Variants in DSCAML1 observed in about 807,000 individuals in gnomAD.
DSCAML1 encodes the protein cell adhesion molecule DSCAML1.
A neutral mutation model predicts 200.5 loss-of-function variants in DSCAML1; 38 were observed. The ratio of observed to expected loss-of-function variants is 0.19; its 90% confidence interval spans 0.15 to 0.25. DSCAML1 has a LOEUF of 0.25. DSCAML1 is among the 10% of genes least tolerant of loss of function. The probability of loss-of-function intolerance (pLI) is 1.00; values close to 1 mark genes in which losing one functional copy is unlikely to be tolerated. For missense variants in DSCAML1, 2,223 were observed against 2,858.8 expected (o/e 0.78, Z 5.07); for synonymous variants, 1,215 against 1,165.0 (o/e 1.04, Z -0.87).
At chr11:117,549,448 G>A (rs10790192) in intron 3 of DSCAML1, among the ~76,000 whole-genome samples, 55,372 of 152,086 alleles carry the variant, frequency 0.36, 11,063 homozygotes, top group Non-Finnish European at 0.45. Flanking sequence ...CAAGTACGTG[G>A]CTCTGAAGTC....
intron 11 of DSCAML1, among the ~76,000 whole-genome samples, chr11:117,493,837 A>G (rs1375796760): frequency 6.6e-6 from 1 of 152,104 alleles, no homozygotes; most frequent in Non-Finnish European, 1.5e-5. Flanking sequence ...CCGATTGCCC[A>G]GGCTAGTCTT....
In DSCAML1 at chr11:117,428,516, G is replaced by A; in HGVS notation, c.5974C>T (p.Pro1992Ser). 6.7e-7 allele frequency: 1 copy of A among 1,496,120 alleles called. No individual in the cohort carries two copies. Among genetic ancestry groups the A allele is most frequent in the Non-Finnish European group, 9.0e-7 (1 of 1,110,804 alleles). The allele number at this position is 1,496,120 out of a possible 1,614,324, so 92.7% of individuals were successfully genotyped here. ...CTGGGGGCGGTGGGTGGCTCAGCAG[G>A]GGTGGGGCCGGGGGCTGGGGGGGCT... The part of the protein sequence containing the change: ...GTAPPAPGPT[P>S]AEPPTAPSAA... Residue 1992 changes from proline (P) to serine (S), a missense_variant, in exon 33 of 33, where the codon CCT becomes TCT. Physicochemically the swap from Pro to Ser is moderately conservative, Grantham distance 74. Coordinates refer to ENST00000651296, the MANE Select transcript of DSCAML1 (RefSeq NM_020693.4).
At chr11:117,747,319 T>G (rs2054534124) in intron 3 of DSCAML1, among the ~76,000 whole-genome samples, 1 of 152,030 alleles carries the variant, frequency 6.6e-6, no homozygotes, top group African/African-American at 2.4e-5. Context: ...TGGGAGCGGG[T>G]TTCTTCAAAT....
chr11:117,464,966 T>A lies in DSCAML1; in HGVS notation c.3241A>T (p.Ile1081Phe), dbSNP rs1221984724. 5 of 1,614,090 alleles carry A rather than the reference T, an allele frequency of 3.1e-6. No individual in the cohort carries two copies. Residue 1081 changes from isoleucine to phenylalanine, a missense_variant, in exon 17 of 33, where the codon ATC becomes TTC. Ile to Phe is a conservative substitution (Grantham distance 21, BLOSUM62 0). This residue lies in a region of DSCAML1 where 438 missense variants were observed against 629.7 expected (regional missense o/e 0.70). Transcript: ENST00000651296. ...CCATCCTCCAGAGTGGTGGCATTGA[T>A]CTCGCTGGAAGAGGGCCCCGTGCCA... Reference protein sequence around the residue: ...RAGTGPSSSEINATTLEDVPS... With the variant: ...RAGTGPSSSEFNATTLEDVPS...
Position 117,480,699 on chromosome 11 carries a change from G to T in DSCAML1, c.2657-128C>A. On this transcript the variant is annotated intron_variant, in intron 13 of 32. Transcript: ENST00000651296. The surrounding 1 kb of genome is among the most constrained non-coding windows in gnomAD (Gnocchi z 4.1). ...TCTGGCACCCTAGGGTTTGAGCAGGGTGGGGGCTGGAGGAGGCCAGCAGCC... is the reference window on the plus strand; with the variant it reads ...TCTGGCACCCTAGGGTTTGAGCAGGTTGGGGGCTGGAGGAGGCCAGCAGCC... 1 of 1,074,594 alleles carries T rather than the reference G, an allele frequency of 9.3e-7. No individual in the cohort carries two copies. Among genetic ancestry groups the T allele is most frequent in the Non-Finnish European group, 1.3e-6 (1 of 749,038 alleles). The allele number at this position is 1,074,594 out of a possible 1,614,324, so 66.6% of individuals were successfully genotyped here.
intron 3 of DSCAML1, among the ~76,000 whole-genome samples, chr11:117,713,752 A>C (rs1055132512): frequency 6.6e-6 from 1 of 152,206 alleles, no homozygotes; most frequent in Non-Finnish European, 1.5e-5. Context: ...TGCGGAGTCC[A>C]TCCATCTTGA....
intron 4 of DSCAML1, among the ~76,000 whole-genome samples, chr11:117,525,856 G>T (rs2049968833): frequency 6.6e-6 from 1 of 152,220 alleles, no homozygotes; most frequent in South Asian, 2.1e-4. Flanking sequence ...CCTACTGGGA[G>T]ATGGGAGGAC....
chr11:117,561,947 G>T lies in DSCAML1; in HGVS notation c.512-29425C>A, dbSNP rs1413011310. ...ACTGGTAGATGTGGCATGAATAAAT[G>T]ATTGCATACAGCAATTCTATGAGCA... On this transcript the variant is annotated intron_variant, in intron 3 of 32. Coordinates refer to ENST00000651296, the MANE Select transcript of DSCAML1 (RefSeq NM_020693.4). Among the ~76,000 whole-genome samples, 3 of 152,216 alleles carry T rather than the reference G, an allele frequency of 2.0e-5. No homozygotes were observed. In the East Asian group the frequency reaches 5.8e-4, roughly 29 times the overall value.
chr11:117,749,989 A>T (rs1474091733), intron 3 of DSCAML1, among the ~76,000 whole-genome samples: 3 of 152,230 alleles, frequency 2.0e-5, no homozygotes, highest in Non-Finnish European at 4.4e-5. Flanking sequence ...ACTGTTCGAC[A>T]TATTAGGATT....
rs150999342 is a variant in DSCAML1, at chr11:117,670,889, A to G, written c.511+105902T>C. Among the ~76,000 whole-genome samples, 181 of 152,286 alleles carry G rather than the reference A, an allele frequency of 1.2e-3. 1 individual carries two copies. The highest frequency in any genetic ancestry group is 3.7e-3 in the Admixed American group (56 of 15,300). ...ATGAATTTGTCTTCCTGGGCACGCA[A>G]TAACTTGACAGAAGGGAAGGCACCC... On this transcript the variant is annotated intron_variant, in intron 3 of 32. Coordinates refer to ENST00000651296, the MANE Select transcript of DSCAML1 (RefSeq NM_020693.4).
chr11:117,793,653 C>T (rs1338698316), intron 1 of DSCAML1, among the ~76,000 whole-genome samples: 1 of 152,164 alleles, frequency 6.6e-6, no homozygotes, highest in Non-Finnish European at 1.5e-5. Flanking sequence ...ACCAAGCTCT[C>T]CCTGGGCCAA....
chr11:117,779,010 T>C (rs556230668), intron 2 of DSCAML1, among the ~76,000 whole-genome samples: 1 of 152,190 alleles, frequency 6.6e-6, no homozygotes, highest in Non-Finnish European at 1.5e-5. Context: ...ACACTCCCGT[T>C]CCCAGCTACT....
intron 3 of DSCAML1, among the ~76,000 whole-genome samples, chr11:117,693,441 A>G (rs2053533039): frequency 6.6e-6 from 1 of 152,040 alleles, no homozygotes; most frequent in Non-Finnish European, 1.5e-5. Flanking sequence ...TCTGGGTTTT[A>G]CTCCAAAGCT....
intron 3 of DSCAML1, among the ~76,000 whole-genome samples, chr11:117,543,165 G>A (rs1439684636): frequency 1.3e-5 from 2 of 152,190 alleles, no homozygotes; most frequent in Non-Finnish European, 2.9e-5. Flanking sequence ...GAAGTAAGAG[G>A]TTAGGGGGAC....
chr11:117,489,213 G>A lies in DSCAML1; in HGVS notation c.2360-7051C>T, dbSNP rs2137242442. 6.6e-6 allele frequency among the ~76,000 whole-genome samples: 1 copy of A among 152,312 alleles called. No homozygotes were observed. Among genetic ancestry groups the A allele is most frequent in the East Asian group, 1.9e-4 (1 of 5,186 alleles). The stretch of plus-strand genomic sequence containing the variant: ...CCAAAAAGCTGTGGCCTCTGCGGCG[G>A]GGCAGCTGCAGCAGGTACTCCTGGG... On this transcript the variant is annotated intron_variant, in intron 11 of 32. Coordinates refer to ENST00000651296, the MANE Select transcript of DSCAML1 (RefSeq NM_020693.4). The surrounding 1 kb of genome is among the most constrained non-coding windows in gnomAD (Gnocchi z 4.8).
chr11:117,524,643 G>C (rs2049941658), intron 5 of DSCAML1, among the ~76,000 whole-genome samples, 162 bp downstream of exon 5: 4 of 152,244 alleles, frequency 2.6e-5, no homozygotes, highest in African/African-American at 4.8e-5. Flanking sequence ...CTGATTTCAA[G>C]CCAAGGGCTT....
At position 117,431,039 on chromosome 11, in the gene DSCAML1, G is replaced by A; in HGVS notation, c.5375-6C>T. Reference sequence around the variant, plus strand: ...CATGCTGTTCCTTCCTTTGTCTGGGGAGTTAAGAGGAAAGGGGTGGGTTAC... The same window carrying A: ...CATGCTGTTCCTTCCTTTGTCTGGGAAGTTAAGAGGAAAGGGGTGGGTTAC... On this transcript the variant is annotated splice_region_variant and splice_polypyrimidine_tract_variant and intron_variant, in intron 31 of 32. Coordinates refer to ENST00000651296, the MANE Select transcript of DSCAML1 (RefSeq NM_020693.4). 8.7e-6 allele frequency: 14 copies of A among 1,605,694 alleles called. No homozygotes were observed. The highest frequency in any genetic ancestry group is 1.3e-5 in the African/African-American group (1 of 74,918).
At chr11:117,452,095 T>G (rs1012501249) in intron 19 of DSCAML1, among the ~76,000 whole-genome samples, 3 of 152,176 alleles carry the variant, frequency 2.0e-5, no homozygotes, top group African/African-American at 7.2e-5. Context: ...TGGATGTCTC[T>G]GCAGCTGTGG....
rs1283938684 is a variant in DSCAML1, at chr11:117,797,071, C to T, written c.9G>A (p.Leu3=). 4.4e-6 allele frequency: 7 copies of T among 1,578,876 alleles called. No individual in the cohort carries two copies. The highest frequency in any genetic ancestry group is 1.1e-5 in the South Asian group (1 of 87,610). The change falls in exon 1 of 33, where the codon CTG becomes CTA. Residue 3 remains leucine, a synonymous_variant. Coordinates refer to ENST00000651296, the MANE Select transcript of DSCAML1 (RefSeq NM_020693.4). Reference sequence around the variant, plus strand: ...AGTCCAGGAGCAGGAGGAAAGTTACCAGCCACATGCCATAAAGAGGCCCTA... The same window carrying T: ...AGTCCAGGAGCAGGAGGAAAGTTACTAGCCACATGCCATAAAGAGGCCCTA... MW[L]VTFLLLLDSL...
Sources: allele counts gnomAD v4.1 joint callset (sites outside exome capture counted in the v4.1 genomes callset), GRCh38; gene constraint gnomAD v4.1.1; regional missense constraint gnomAD v4.1.1; non-coding constraint Gnocchi (gnomAD v3.1); transcripts MANE v1.5; gene names NCBI Gene and HGNC (gene_info 2026-07-23, HGNC 2026-07-21).